The following COX19 variants were observed in gnomAD, a reference collection of about 807,000 sequenced individuals.
COX19 encodes cytochrome c oxidase assembly protein COX19.
In COX19, 8 loss-of-function variants were observed where a neutral mutation model predicts 6.8. That is an observed-to-expected ratio of 1.18 (90% CI 0.69 to 2.12). The LOEUF (loss-of-function observed/expected upper bound fraction) is 2.12, where lower values mean the gene tolerates loss of function less well. Among genes scored for constraint, COX19 ranks in the 30% most tolerant of loss-of-function variants. The pLI is 0.00. For missense variants in COX19, 131 were observed against 104.6 expected (o/e 1.25, Z -1.10); for synonymous variants, 51 against 38.0 (o/e 1.34, Z -1.26).
Position 968,104 on chromosome 7 carries a change from T to TC in COX19, c.*1273_*1274insG, listed in dbSNP as rs1847585466. On this transcript the variant is annotated 3_prime_UTR_variant, in exon 3 of 3. Transcript: ENST00000344111. ...CAGTGACAGCTGCAGCCGAATCAGG[T>TC]GGTAGAACCCATGGGTGCAGGGACA... The TC allele has an allele frequency of 6.6e-6, 1 of 152,174 alleles. No individual in the cohort carries two copies. The allele number at this position is 152,174 out of a possible 1,614,324, so 9.4% of individuals were successfully genotyped here.
intron 1 of COX19, among the ~76,000 whole-genome samples, chr7:974,429 C>G (rs1164779261): frequency 6.6e-6 from 1 of 151,916 alleles, no homozygotes; most frequent in Non-Finnish European, 1.5e-5. Context: ...GACCGTGTCT[C>G]AAAACAAAAA....
rs1032239222 is a variant in COX19, at chr7:965,719, C to G, written c.*3659G>C. ...GTGGTGGCACAATCCCTGCTCACTG[C>G]AACCTCTGCCTCCTGGTTTAGGCAA... On this transcript the variant is annotated 3_prime_UTR_variant, in exon 3 of 3. Transcript: ENST00000344111. Among the ~76,000 whole-genome samples the G allele has an allele frequency of 2.6e-5, 4 of 152,238 alleles. No individual in the cohort carries two copies. The highest frequency in any genetic ancestry group is 7.2e-5 in the African/African-American group (3 of 41,456).
In COX19 at chr7:967,445, CTACT is replaced by C. The variant is rs1037737392; in HGVS notation, c.*1929_*1932del. 6.6e-6 allele frequency: 1 copy of C among 152,284 alleles called. No individual in the cohort carries two copies. Among genetic ancestry groups the C allele is most frequent in the African/African-American group, 2.4e-5 (1 of 41,476 alleles). The allele number at this position is 152,284 out of a possible 1,614,324, so 9.4% of individuals were successfully genotyped here. On this transcript the variant is annotated 3_prime_UTR_variant, in exon 3 of 3. Transcript: ENST00000344111. The stretch of plus-strand genomic sequence containing the variant: ...ATCGTCCACGCAAAAAACAAATTTA[CTACT>C]TAGAGTACAGTATCTTTCCTGTCTT...
rs1847553096 is a variant in COX19 at position 966,301 on chromosome 7, G to A, written c.*3077C>T. 6.6e-6 allele frequency: 1 copy of A among 152,062 alleles called. No individual in the cohort carries two copies. The highest frequency in any genetic ancestry group is 6.6e-5 in the Admixed American group (1 of 15,266). The allele number at this position is 152,062 out of a possible 1,614,324, so 9.4% of individuals were successfully genotyped here. ...CCTGAGTATCTGGGACTACAGGCGG[G>A]TGACACCACGCACGGCTGACTTTTC... On this transcript the variant is annotated 3_prime_UTR_variant, in exon 3 of 3. Transcript: ENST00000344111.
At chr7:975,084 C>T (rs1420301264) in intron 1 of COX19, 1 of 279,450 alleles carries the variant, frequency 3.6e-6, no homozygotes, top group Non-Finnish European at 6.7e-6. Context: ...GTCTAAGCCT[C>T]GGCTGCAGCT....
rs1388308470 is a variant in COX19 at position 969,084 on chromosome 7, C to CGCCCCATACAAGAGG, written c.*279_*293dup. 1 of 333,262 alleles carries CGCCCCATACAAGAGG rather than the reference C, an allele frequency of 3.0e-6. No homozygotes were observed. Among genetic ancestry groups the CGCCCCATACAAGAGG allele is most frequent in the Non-Finnish European group, 5.5e-6 (1 of 181,804 alleles). The allele number at this position is 333,262 out of a possible 1,614,324, so 20.6% of individuals were successfully genotyped here. A position where few individuals can be genotyped will look rare whatever the true frequency, so the allele number is the denominator to read the frequency against. On this transcript the variant is annotated 3_prime_UTR_variant, in exon 3 of 3. Coordinates refer to ENST00000344111, the MANE Select transcript of COX19 (RefSeq NM_001031617.3). Reference sequence around the variant, plus strand: ...GTATCAGAGGACTGCAACATAAAACCGCCCCATACAAGAGGGCCCCGGCCT... The same window carrying CGCCCCATACAAGAGG: ...GTATCAGAGGACTGCAACATAAAACCGCCCCATACAAGAGGGCCCCATACAAGAGGGCCCCGGCCT...
intron 2 of COX19, among the ~76,000 whole-genome samples, chr7:970,227 C>T (rs1197189257): frequency 6.6e-6 from 1 of 151,916 alleles, no homozygotes; most frequent in Non-Finnish European, 1.5e-5. Flanking sequence ...CTCCGCCTCC[C>T]AGGTCCAGGT....
At chr7:972,390 C>T (rs1214275958) in intron 2 of COX19, among the ~76,000 whole-genome samples, 3 of 152,158 alleles carry the variant, frequency 2.0e-5, no homozygotes, top group Non-Finnish European at 2.9e-5. Flanking sequence ...AAAGGCACAA[C>T]GGATTTTTGC....
chr7:969,382 T>G lies in COX19; in HGVS notation c.269A>C (p.Lys90Thr). The G allele has an allele frequency of 6.2e-7, 1 of 1,602,328 alleles. No homozygotes were observed. The highest frequency in any genetic ancestry group is 8.6e-7 in the Non-Finnish European group (1 of 1,169,320). The change falls in exon 3 of 3, where the codon AAA becomes ACA. Residue 90 changes from lysine (K) to threonine (T), a missense_variant. Physicochemically the swap from Lys to Thr is moderately conservative, Grantham distance 78 (BLOSUM62 -1). Transcript: ENST00000344111. ...DLTSGKSEAK[K>T] Reference sequence around the variant, plus strand: ...CAGGGGTCTTCTCATCAAAATTCATTTTTTTGCCTCTGATTTTCCACTAGT... The same window carrying G: ...CAGGGGTCTTCTCATCAAAATTCATGTTTTTGCCTCTGATTTTCCACTAGT...
rs7781010 is a variant in COX19, at chr7:975,117, G to A, written c.82+311C>T. ...GCTGCGGGCTTCGTGGCCGCCGAATGCCCCGCTCTGCAAACCCGGGGCACA... is the reference window on the plus strand; with the variant it reads ...GCTGCGGGCTTCGTGGCCGCCGAATACCCCGCTCTGCAAACCCGGGGCACA... On this transcript the variant is annotated intron_variant, in intron 1 of 2. Transcript: ENST00000344111. 5.6e-3 allele frequency: 1,888 copies of A among 336,892 alleles called. 33 individuals are homozygous for A. Among genetic ancestry groups the A allele is most frequent in the African/African-American group, 0.037 (1,714 of 46,830 alleles). 20.9% of individuals were successfully genotyped at this position (336,892 alleles called of 1,614,324 possible).
In COX19 at chr7:966,955, TTTTA is replaced by T. The variant is rs1384849636; in HGVS notation, c.*2419_*2422del. On this transcript the variant is annotated 3_prime_UTR_variant, in exon 3 of 3. Coordinates refer to ENST00000344111, the MANE Select transcript of COX19 (RefSeq NM_001031617.3). ...GATGTGGTGCTTGGGTCCAAGAAGC[TTTTA>T]TTTTACTTAAGAATGGCCCCAGAAC... The T allele has an allele frequency of 6.6e-6, 1 of 152,128 alleles. No individual in the cohort carries two copies. The highest frequency in any genetic ancestry group is 2.4e-5 in the African/African-American group (1 of 41,394). The allele number at this position is 152,128 out of a possible 1,614,324, so 9.4% of individuals were successfully genotyped here. A position where few individuals can be genotyped will look rare whatever the true frequency, so the allele number is the denominator to read the frequency against.
chr7:969,959 T>A lies in COX19; in HGVS notation c.195-503A>T, dbSNP rs992783066. The stretch of plus-strand genomic sequence containing the variant: ...CTCAGGTCGACAGTTATCTGATATT[T>A]TTTTTTTTTTTTTTTTTTTTAAGAG... On this transcript the variant is annotated intron_variant, in intron 2 of 2. Transcript: ENST00000344111. Among the ~76,000 whole-genome samples the A allele has an allele frequency of 7.7e-5, 11 of 143,536 alleles. 1 individual carries two copies. The highest frequency in any genetic ancestry group is 3.5e-4 in the Admixed American group (5 of 14,202). 94.2% of individuals were successfully genotyped at this position (143,536 alleles called of 152,430 possible). A position where few individuals can be genotyped will look rare whatever the true frequency, so the allele number is the denominator to read the frequency against.
At chr7:970,390 T>C (rs1052820885) in intron 2 of COX19, among the ~76,000 whole-genome samples, 2 of 150,590 alleles carry the variant, frequency 1.3e-5, no homozygotes, top group Admixed American at 6.6e-5. Context: ...CACCTTGGTC[T>C]CCAAAAGTGC....
At position 967,231 on chromosome 7, in the gene COX19, G is replaced by C. The variant is rs1376109976; in HGVS notation, c.*2147C>G. ...TACAGGAAAAAACAGCGCCTGGACA[G>C]GATTCGGGACTATCCGCGGCTTCGG... On this transcript the variant is annotated 3_prime_UTR_variant, in exon 3 of 3. Coordinates refer to ENST00000344111, the MANE Select transcript of COX19 (RefSeq NM_001031617.3). 2 of 152,190 alleles carry C rather than the reference G, an allele frequency of 1.3e-5. No individual in the cohort carries two copies. Among genetic ancestry groups the C allele is most frequent in the Non-Finnish European group, 2.9e-5 (2 of 68,044 alleles). 9.4% of individuals were successfully genotyped at this position (152,190 alleles called of 1,614,324 possible). A position where few individuals can be genotyped will look rare whatever the true frequency, so the allele number is the denominator to read the frequency against.
chr7:969,408 C>G lies in COX19; in HGVS notation c.243G>C (p.Leu81Phe). 5 of 1,612,012 alleles carry G rather than the reference C, an allele frequency of 3.1e-6. No homozygotes were observed. The highest frequency in any genetic ancestry group is 4.2e-6 in the Non-Finnish European group (5 of 1,178,142). The stretch of plus-strand genomic sequence containing the variant: ...TTTTTGCCTCTGATTTTCCACTAGT[C>G]AAGTCTCCAAATCCCAGTTTCTCCA... Reference protein sequence around the residue: ...EPLEKLGFGDLTSGKSEAKK With the variant: ...EPLEKLGFGDFTSGKSEAKK Residue 81 changes from leucine to phenylalanine, a missense_variant, in exon 3 of 3, where the codon TTG becomes TTC. Coordinates refer to ENST00000344111, the MANE Select transcript of COX19 (RefSeq NM_001031617.3).
rs539924967 is a variant in COX19 at position 969,990 on chromosome 7, G to T, written c.195-534C>A. On this transcript the variant is annotated intron_variant, in intron 2 of 2. Transcript: ENST00000344111. The stretch of plus-strand genomic sequence containing the variant: ...TTTTTTTTTTTTTTTAAGAGACAGG[G>T]TCTCATTTTGTCTCCCATGCTGGGA... 8.5e-3 allele frequency among the ~76,000 whole-genome samples: 1,230 copies of T among 145,418 alleles called. 9 individuals carry two copies. The highest frequency in any genetic ancestry group is 0.011 in the Non-Finnish European group (706 of 66,848).
rs1159379680 is a variant in COX19, at chr7:965,738, T to C, written c.*3640A>G. ...TCACTGCAACCTCTGCCTCCTGGTT[T>C]AGGCAATTCTCCCACCTCGGCCTCC... On this transcript the variant is annotated 3_prime_UTR_variant, in exon 3 of 3. Coordinates refer to ENST00000344111, the MANE Select transcript of COX19 (RefSeq NM_001031617.3). Among the ~76,000 whole-genome samples the C allele has an allele frequency of 6.6e-6, 1 of 152,182 alleles. No homozygotes were observed. The highest frequency in any genetic ancestry group is 1.5e-5 in the Non-Finnish European group (1 of 68,018).
In COX19 at chr7:975,500, C is replaced by G. The variant is rs762299988; in HGVS notation, c.10G>C (p.Ala4Pro). 1.7e-5 allele frequency: 27 copies of G among 1,603,232 alleles called. No homozygotes were observed. Among genetic ancestry groups the G allele is most frequent in the Non-Finnish European group, 2.1e-5 (25 of 1,176,238 alleles). The change falls in exon 1 of 3, where the codon GCC becomes CCC. Residue 4 changes from alanine to proline, a missense_variant. Coordinates refer to ENST00000344111, the MANE Select transcript of COX19 (RefSeq NM_001031617.3). Reference protein sequence around the residue: MSTAMNFGTKSFQP... With the variant: MSTPMNFGTKSFQP... ...AAGCTCTTGGTCCCGAAATTCATGGCGGTCGACATGTTGGCGACTCCGGAG... is the reference window on the plus strand; with the variant it reads ...AAGCTCTTGGTCCCGAAATTCATGGGGGTCGACATGTTGGCGACTCCGGAG...
At chr7:971,745 C>T (rs1847638655) in intron 2 of COX19, among the ~76,000 whole-genome samples, 1 of 152,204 alleles carries the variant, frequency 6.6e-6, no homozygotes, top group Admixed American at 6.5e-5. Flanking sequence ...GTGGCAGGCG[C>T]CTGTAGTCCC....
Sources: allele counts gnomAD v4.1 joint callset (sites outside exome capture counted in the v4.1 genomes callset), GRCh38; gene constraint gnomAD v4.1.1; transcripts MANE v1.5; gene names NCBI Gene and HGNC (gene_info 2026-07-23, HGNC 2026-07-21).